RSU1: variants seen among roughly 807,000 people sequenced by gnomAD.
The protein encoded by RSU1 is rsu-1.
In RSU1, 26 loss-of-function variants were observed where a neutral mutation model predicts 31.1. The ratio of observed to expected loss-of-function variants is 0.84; its 90% CI spans 0.61 to 1.16. The LOEUF (loss-of-function observed/expected upper bound fraction) is 1.16, where lower values mean the gene tolerates loss of function less well. Ranked by LOEUF, RSU1 falls within the 50% of genes most tolerant of loss-of-function variation. The probability of loss-of-function intolerance (pLI) is 0.00; values close to 1 mark genes in which losing one functional copy is unlikely to be tolerated. For missense variants in RSU1, 320 were observed against 339.1 expected (o/e 0.94, Z 0.44); for synonymous variants, 164 against 136.3 (o/e 1.20, Z -1.41).
At position 16,817,092 on chromosome 10, in the gene RSU1, G is replaced by C; in HGVS notation, c.-3-8C>G. On this transcript the variant is annotated splice_polypyrimidine_tract_variant and splice_region_variant and intron_variant, in intron 1 of 8. Coordinates refer to ENST00000345264, the MANE Select transcript of RSU1 (RefSeq NM_012425.4). ...CAGAGACTTGGACATGGTCTGCACC[G>C]AACAACAACAAAGCACGTGGGCGAT... 1.9e-6 allele frequency: 3 copies of C among 1,592,306 alleles called. No individual in the cohort carries two copies. The highest frequency in any genetic ancestry group is 2.6e-6 in the Non-Finnish European group (3 of 1,160,092).
At chr10:16,621,813 T>C (rs1046051480) in intron 8 of RSU1, among the ~76,000 whole-genome samples, 1 of 152,198 alleles carries the variant, frequency 6.6e-6, no homozygotes, top group Non-Finnish European at 1.5e-5. Flanking sequence ...ATGGGGATTA[T>C]GGGAGCTACA....
chr10:16,649,285 TC>T (rs1226763675), intron 8 of RSU1, among the ~76,000 whole-genome samples: 1 of 152,188 alleles, frequency 6.6e-6, no homozygotes, highest in Non-Finnish European at 1.5e-5. Flanking sequence ...TAAATCAGTC[TC>T]CTTCTCAGAG....
chr10:16,671,967 C>G (rs539901132), intron 8 of RSU1, among the ~76,000 whole-genome samples: 118 of 150,520 alleles, frequency 7.8e-4, no homozygotes, highest in Non-Finnish European at 1.5e-3. Context: ...ATCAGATAAT[C>G]CAGGATTATC....
In RSU1 at chr10:16,722,847, TAC is replaced by T. The variant is rs1172307139; in HGVS notation, c.599-27694_599-27693del. On this transcript the variant is annotated intron_variant, in intron 7 of 8. Coordinates refer to ENST00000345264, the MANE Select transcript of RSU1 (RefSeq NM_012425.4). ...GTATACAGCCACATATATGTATATA[TAC>T]ACACATATATACATATATGTATATA... Among the ~76,000 whole-genome samples the T allele has an allele frequency of 4.3e-4, 45 of 104,862 alleles. 2 individuals are homozygous for T. The highest frequency in any genetic ancestry group is 1.2e-3 in the African/African-American group (38 of 32,464). 68.8% of individuals were successfully genotyped at this position (104,862 alleles called of 152,430 possible).
chr10:16,713,018 G>C (rs890907011), intron 7 of RSU1, among the ~76,000 whole-genome samples: 10 of 152,056 alleles, frequency 6.6e-5, no homozygotes, highest in African/African-American at 1.7e-4. Flanking sequence ...CCTTCTTTCA[G>C]CACTTTGAAT....
chr10:16,794,116 C>T (rs1235513403), intron 2 of RSU1, among the ~76,000 whole-genome samples: 5 of 152,106 alleles, frequency 3.3e-5, no homozygotes, highest in South Asian at 2.1e-4. Context: ...ATCACTGACA[C>T]GCACCCCTCC....
intron 7 of RSU1, among the ~76,000 whole-genome samples, chr10:16,697,441 G>T (rs1368290570): frequency 6.6e-6 from 1 of 152,158 alleles, no homozygotes; most frequent in African/African-American, 2.4e-5. Flanking sequence ...TGGATCACTT[G>T]AGGTCAGGAG....
In RSU1 at chr10:16,707,004, GTCTT is replaced by G. The variant is rs372518028; in HGVS notation, c.599-11853_599-11850del. On this transcript the variant is annotated intron_variant, in intron 7 of 8. Transcript: ENST00000345264. ...ATATGAGTGGGATCATGTGTTATGT[GTCTT>G]TCTGTGTCTGGATTATTTCACAAAA... 7.1e-3 allele frequency among the ~76,000 whole-genome samples: 1,080 copies of G among 152,236 alleles called. 16 individuals carry two copies. The highest frequency in any genetic ancestry group is 0.024 in the African/African-American group (988 of 41,552).
intron 3 of RSU1, among the ~76,000 whole-genome samples, chr10:16,770,408 G>A (rs1401323032): frequency 6.6e-6 from 1 of 152,142 alleles, no homozygotes; most frequent in South Asian, 2.1e-4. Flanking sequence ...ACACACCCAC[G>A]GCTGCCAGGA....
At chr10:16,700,746 G>A (rs1027839196) in intron 7 of RSU1, among the ~76,000 whole-genome samples, 7 of 152,178 alleles carry the variant, frequency 4.6e-5, no homozygotes, top group Admixed American at 4.6e-4. Context: ...GACAGTGTCG[G>A]CAGTAACTAA....
intron 7 of RSU1, among the ~76,000 whole-genome samples, chr10:16,741,378 G>A (rs760623739): frequency 5.3e-5 from 8 of 152,098 alleles, no homozygotes; most frequent in South Asian, 2.1e-4. Flanking sequence ...AGAGATGGAC[G>A]GATTGGAGTG....
intron 2 of RSU1, among the ~76,000 whole-genome samples, chr10:16,805,207 AAATAAT>A (rs542547588): frequency 2.0e-5 from 3 of 151,538 alleles, no homozygotes; most frequent in East Asian, 3.9e-4. Context: ...ACTCCATCTC[AAATAAT>A]AATAATAATA....
chr10:16,727,852 T>C (rs1836429248), intron 7 of RSU1, among the ~76,000 whole-genome samples: 1 of 152,168 alleles, frequency 6.6e-6, no homozygotes, highest in African/African-American at 2.4e-5. Flanking sequence ...AAGGCAACCA[T>C]ACCGCTGCCA....
chr10:16,751,072 G>T (rs978335136), intron 7 of RSU1, among the ~76,000 whole-genome samples: 16 of 152,032 alleles, frequency 1.1e-4, no homozygotes, highest in Admixed American at 9.8e-4. Context: ...TCACCATGTT[G>T]CACAGGCTGG....
intron 7 of RSU1, among the ~76,000 whole-genome samples, chr10:16,700,384 A>G (rs1274779539): frequency 6.6e-6 from 1 of 152,204 alleles, no homozygotes; most frequent in Non-Finnish European, 1.5e-5. Context: ...TCATTACTAT[A>G]CTAGATTTCT....
At chr10:16,737,747 C>G (rs1836657992) in intron 7 of RSU1, among the ~76,000 whole-genome samples, 2 of 132,126 alleles carry the variant, frequency 1.5e-5, no homozygotes. Flanking sequence ...TTTAAGAAAA[C>G]TAACTTAAGG....
At chr10:16,700,476 G>A (rs969498361) in intron 7 of RSU1, among the ~76,000 whole-genome samples, 6 of 152,056 alleles carry the variant, frequency 3.9e-5, no homozygotes, top group African/African-American at 1.4e-4. Flanking sequence ...TCTCTGCGGC[G>A]AATCCTCACA....
intron 8 of RSU1, among the ~76,000 whole-genome samples, chr10:16,673,741 T>C (rs1835166470): frequency 6.6e-6 from 1 of 152,190 alleles, no homozygotes; most frequent in African/African-American, 2.4e-5. Context: ...TCAGGAGACC[T>C]CTGGCACCCA....
At chr10:16,694,940 C>T in intron 8 of RSU1, 83 bp downstream of exon 8, 3 of 1,292,132 alleles carry the variant, frequency 2.3e-6, no homozygotes, top group East Asian at 2.4e-5. Context: ...CAATAGGATA[C>T]TGTCACATAA....
Sources: gnomAD v4.1 joint callset for allele counts (sites outside exome capture counted in the v4.1 genomes callset) on GRCh38, gnomAD v4.1.1 for gene constraint, MANE v1.5 for transcripts, NCBI Gene and HGNC (gene_info 2026-07-23, HGNC 2026-07-21) for gene names.